Variants in SGCZ observed in about 807,000 individuals in gnomAD.
The protein encoded by SGCZ is zeta-sarcoglycan.
In SGCZ, 40 loss-of-function variants were observed where a neutral mutation model predicts 41.3. The observed-to-expected ratio is 0.97, with a 90% CI of 0.75 to 1.26. The LOEUF is 1.26. Ranked by LOEUF, SGCZ falls within the 50% of genes most tolerant of loss-of-function variation. SGCZ has a pLI of 0.00. For synonymous variants in SGCZ, 206 were observed against 137.5 expected (o/e 1.50, Z -3.49); for missense variants, 552 against 369.8 (o/e 1.49, Z -4.04).
chr8:14,527,870 G>C (rs1457387656), intron 2 of SGCZ, among the ~76,000 whole-genome samples: 1 of 152,004 alleles, frequency 6.6e-6, no homozygotes, highest in Non-Finnish European at 1.5e-5. Context: ...GTTTCTTTAT[G>C]AGTATTCTAT....
chr8:14,938,379 C>T (rs1270916608), intron 1 of SGCZ, among the ~76,000 whole-genome samples: 1 of 152,154 alleles, frequency 6.6e-6, no homozygotes, highest in African/African-American at 2.4e-5. Context: ...AATCCCTCCT[C>T]TTCCTCCTCC....
intron 2 of SGCZ, among the ~76,000 whole-genome samples, chr8:14,537,036 AG>A (rs1366321880): frequency 6.6e-6 from 1 of 151,944 alleles, no homozygotes; most frequent in Non-Finnish European, 1.5e-5. Context: ...AACACAAGCC[AG>A]GCAATGCAAT....
chr8:14,909,784 T>G (rs890989041), intron 1 of SGCZ, among the ~76,000 whole-genome samples: 4 of 152,250 alleles, frequency 2.6e-5, no homozygotes, highest in East Asian at 1.9e-4. Flanking sequence ...TTCAAAGCAC[T>G]CTGGTTTGTC....
At position 14,876,548 on chromosome 8, in the gene SGCZ, T is replaced by A. The variant is rs139503677; in HGVS notation, c.40-321622A>T. Among the ~76,000 whole-genome samples the A allele has an allele frequency of 8.6e-3, 1,306 of 152,240 alleles. 13 individuals are homozygous for A. The highest frequency in any genetic ancestry group is 0.029 in the African/African-American group (1,223 of 41,544). ...ACTCTGTGACTATACTAAAAACAAC[T>A]GAACCGTACACTTTAAACGGGTAAA... On this transcript the variant is annotated intron_variant, in intron 1 of 7. Transcript: ENST00000382080.
At chr8:14,947,489 G>A (rs1800490319) in intron 1 of SGCZ, among the ~76,000 whole-genome samples, 1 of 152,154 alleles carries the variant, frequency 6.6e-6, no homozygotes, top group Admixed American at 6.5e-5. Context: ...TATAAAAGAT[G>A]CTCTGCTACT....
At chr8:14,383,189 T>A (rs988112643) in intron 2 of SGCZ, among the ~76,000 whole-genome samples, 1 of 152,222 alleles carries the variant, frequency 6.6e-6, no homozygotes, top group South Asian at 2.1e-4. Flanking sequence ...CTGTTCTATA[T>A]GAACCATTTC....
At chr8:15,187,219 C>T (rs1403209959) in intron 1 of SGCZ, among the ~76,000 whole-genome samples, 1 of 152,224 alleles carries the variant, frequency 6.6e-6, no homozygotes, top group African/African-American at 2.4e-5. Flanking sequence ...CAGCTCTATT[C>T]TCCCAACATT....
intron 7 of SGCZ, among the ~76,000 whole-genome samples, chr8:14,101,376 G>GAAAATTGGGAAAAGACCATA (rs1802015625): frequency 6.7e-6 from 1 of 148,190 alleles, no homozygotes; most frequent in Non-Finnish European, 1.5e-5. Context: ...AAAAGACCAT[G>GAAAATTGGGAAAAGACCATA]GAAAATTGGG....
Position 14,852,796 on chromosome 8 carries a change from G to C in SGCZ, c.40-297870C>G, listed in dbSNP as rs558905801. Among the ~76,000 whole-genome samples, 4 of 152,324 alleles carry C rather than the reference G, an allele frequency of 2.6e-5. No individual in the cohort carries two copies. The South Asian group carries it at 8.3e-4, about 32-fold the overall frequency. On this transcript the variant is annotated intron_variant, in intron 1 of 7. Transcript: ENST00000382080. ...TTCTTTGGCTCACCTCCCATCTGTA[G>C]TGTTTCATGGAGTAATAGCCTTTCT...
intron 4 of SGCZ, among the ~76,000 whole-genome samples, chr8:14,174,259 T>C (rs1440620742): frequency 6.6e-6 from 1 of 152,154 alleles, no homozygotes; most frequent in Non-Finnish European, 1.5e-5. Flanking sequence ...CACTGTGATA[T>C]TGCATAACGA....
intron 5 of SGCZ, among the ~76,000 whole-genome samples, chr8:14,123,468 T>C (rs73522417): frequency 0.19 from 28,454 of 152,046 alleles, 3,510 homozygotes; most frequent in East Asian, 0.65. Flanking sequence ...TTTGAAAATA[T>C]TATATTGTGA....
At chr8:14,589,522 G>T (rs992715850) in intron 1 of SGCZ, among the ~76,000 whole-genome samples, 1 of 151,980 alleles carries the variant, frequency 6.6e-6, no homozygotes, top group Non-Finnish European at 1.5e-5. Flanking sequence ...AGACAATACT[G>T]GTTCAGGCAG....
At chr8:14,744,119 A>AAAACAAAC (rs3069637) in intron 1 of SGCZ, among the ~76,000 whole-genome samples, 1 of 151,324 alleles carries the variant, frequency 6.6e-6, no homozygotes, top group African/African-American at 2.4e-5. Context: ...AAAAATTTAA[A>AAAACAAAC]AAACAAACAA....
rs557949201 is a variant in SGCZ, at chr8:14,416,774, G to A, written c.235-92570C>T. 7.2e-5 allele frequency among the ~76,000 whole-genome samples: 11 copies of A among 151,888 alleles called. No individual in the cohort carries two copies. The South Asian group carries it at 1.7e-3, about 23-fold the overall frequency. ...AGATCTTATTGATGTCATTTAGTCTGCCTGGGACTCAATTTATTTTCCTGT... is the reference window on the plus strand; with the variant it reads ...AGATCTTATTGATGTCATTTAGTCTACCTGGGACTCAATTTATTTTCCTGT... On this transcript the variant is annotated intron_variant, in intron 2 of 7. Coordinates refer to ENST00000382080, the MANE Select transcript of SGCZ (RefSeq NM_139167.4).
At chr8:14,484,262 G>C (rs1005938728) in intron 2 of SGCZ, among the ~76,000 whole-genome samples, 6 of 152,058 alleles carry the variant, frequency 3.9e-5, no homozygotes, top group East Asian at 1.9e-4. Flanking sequence ...TTTGCTATTA[G>C]TATGGCTCTG....
intron 2 of SGCZ, among the ~76,000 whole-genome samples, chr8:14,527,480 T>G (rs1249951095): frequency 6.6e-6 from 1 of 152,108 alleles, no homozygotes; most frequent in Non-Finnish European, 1.5e-5. Context: ...TTTTAAACTA[T>G]TTTTTGTAGT....
chr8:14,133,713 T>C (rs898577488), intron 5 of SGCZ, among the ~76,000 whole-genome samples: 12 of 152,218 alleles, frequency 7.9e-5, no homozygotes, highest in African/African-American at 2.7e-4. Context: ...TTGACTCTTT[T>C]TCTGAGTTTT....
chr8:14,452,932 G>C (rs983830692), intron 2 of SGCZ, among the ~76,000 whole-genome samples: 5 of 151,860 alleles, frequency 3.3e-5, no homozygotes, highest in Non-Finnish European at 7.4e-5. Flanking sequence ...GTGAAACCCA[G>C]TCTCTACCAA....
intron 1 of SGCZ, among the ~76,000 whole-genome samples, chr8:14,836,009 C>T (rs370441700): frequency 1.9e-4 from 29 of 152,242 alleles, no homozygotes; most frequent in East Asian, 9.7e-4. Flanking sequence ...AATAAAGCAG[C>T]TGAAACCATT....
Sources: gnomAD v4.1 joint callset for allele counts (sites outside exome capture counted in the v4.1 genomes callset) on GRCh38, gnomAD v4.1.1 for gene constraint, MANE v1.5 for transcripts, NCBI Gene and HGNC (gene_info 2026-07-23, HGNC 2026-07-21) for gene names.